Variants in PARVA observed in about 807,000 individuals in gnomAD.
PARVA encodes parvin alpha, also known as alpha-parvin.
In PARVA, 25 loss-of-function variants were observed where a neutral mutation model predicts 52.6. The ratio of observed to expected loss-of-function variants is 0.48; its 90% CI spans 0.35 to 0.66. PARVA has a LOEUF of 0.66. PARVA is among the 30% of genes least tolerant of loss of function. The pLI is 0.01. For synonymous variants in PARVA, 185 were observed against 179.1 expected, an observed-to-expected ratio of 1.03 and a Z score of -0.26; for missense variants, 373 against 450.9, an observed-to-expected ratio of 0.83 and a Z score of 1.56.
chr11:12,440,774 A>T (rs907433486), intron 1 of PARVA, among the ~76,000 whole-genome samples: 7 of 152,216 alleles, frequency 4.6e-5, no homozygotes, highest in African/African-American at 1.7e-4. Context: ...GCTCCTTGCC[A>T]TAGGGCCCCT....
intron 1 of PARVA, among the ~76,000 whole-genome samples, chr11:12,456,844 C>T (rs954555115): frequency 1.3e-5 from 2 of 152,110 alleles, no homozygotes; most frequent in African/African-American, 4.8e-5. Context: ...CTTACTCATC[C>T]CTTTTACCCC....
At chr11:12,465,748 A>G (rs1326128702) in intron 1 of PARVA, among the ~76,000 whole-genome samples, 6 of 152,218 alleles carry the variant, frequency 3.9e-5, no homozygotes, top group African/African-American at 1.2e-4. Context: ...ACTACAGTTT[A>G]TCTACTCACC....
upstream of PARVA, chr11:12,377,425 G>A: frequency 7.3e-7 from 1 of 1,374,066 alleles, no homozygotes. Flanking sequence ...GGGGCGCAAG[G>A]CGCGGCCCCG....
intron 1 of PARVA, among the ~76,000 whole-genome samples, chr11:12,385,459 T>C (rs1418845236): frequency 6.6e-6 from 1 of 152,208 alleles, no homozygotes; most frequent in East Asian, 1.9e-4. Flanking sequence ...CAGCAGATCT[T>C]GATGAAAGAT....
upstream of PARVA, chr11:12,377,521 G>C: frequency 7.0e-7 from 1 of 1,433,004 alleles, no homozygotes; most frequent in East Asian, 2.9e-5. Context: ...AGCGTGAGCT[G>C]CCTCAAATGC....
intron 5 of PARVA, among the ~76,000 whole-genome samples, chr11:12,502,613 C>T (rs1941376951): frequency 6.6e-6 from 1 of 152,024 alleles, no homozygotes; most frequent in Non-Finnish European, 1.5e-5. Flanking sequence ...TTCCTGGCCA[C>T]CTGTTGTGTT....
At chr11:12,460,044 G>C (rs149409821) in intron 1 of PARVA, among the ~76,000 whole-genome samples, 7 of 152,178 alleles carry the variant, frequency 4.6e-5, no homozygotes, top group African/African-American at 1.7e-4. Flanking sequence ...CTGGCTTTAC[G>C]TGGGAATGCA....
chr11:12,477,384 C>T (rs770402317), intron 3 of PARVA, among the ~76,000 whole-genome samples: 1 of 152,156 alleles, frequency 6.6e-6, no homozygotes, highest in Non-Finnish European at 1.5e-5. Context: ...TGTGAACCAC[C>T]ACGCCCAGCC....
Position 12,377,756 on chromosome 11 carries a change from C to G in PARVA, c.109C>G (p.Leu37Val). The G allele has an allele frequency of 6.5e-7, 1 of 1,533,822 alleles. No individual in the cohort carries two copies. Among genetic ancestry groups the G allele is most frequent in the Admixed American group, 2.1e-5 (1 of 47,446 alleles). Reference sequence around the variant, plus strand: ...CTTCTTGGGGAAACTCGGAGGGACCCTGGCCCGGAGGAAGAAAGCCAAGGA... The same window carrying G: ...CTTCTTGGGGAAACTCGGAGGGACCGTGGCCCGGAGGAAGAAAGCCAAGGA... ...DSFLGKLGGT[L>V]ARRKKAKEVS... The change falls in exon 1 of 13, where the codon CTG becomes GTG. Residue 37 changes from leucine to valine, a missense_variant. Coordinates refer to ENST00000334956, the MANE Select transcript of PARVA (RefSeq NM_018222.5).
chr11:12,412,192 C>A (rs988444460), intron 1 of PARVA, among the ~76,000 whole-genome samples: 4 of 152,206 alleles, frequency 2.6e-5, no homozygotes, highest in Admixed American at 6.5e-5. Context: ...TTCTTAAGAG[C>A]AGGAGCTGAG....
At position 12,473,781 on chromosome 11, in the gene PARVA, A is replaced by G. The variant is rs2135036090; in HGVS notation, c.173A>G (p.Asn58Ser). 2 of 1,570,208 alleles carry G rather than the reference A, an allele frequency of 1.3e-6. No individual in the cohort carries two copies. Among genetic ancestry groups the G allele is most frequent in the African/African-American group, 1.4e-5 (1 of 73,862 alleles). ...CAGGAGGAGGGAATGAACGCCATCA[A>G]CCTGCCCCTCAGCCCAATTCCCTTT... ...ELQEEGMNAI[N>S]LPLSPIPFEL... The change falls in exon 2 of 13, where the codon AAC becomes AGC. Residue 58 changes from asparagine (N) to serine (S), a missense_variant. Physicochemically the swap from Asn to Ser is conservative, Grantham distance 46. Coordinates refer to ENST00000334956, the MANE Select transcript of PARVA (RefSeq NM_018222.5).
chr11:12,517,825 G>A (rs948426000), intron 11 of PARVA, 114 bp downstream of exon 11: 11 of 712,608 alleles, frequency 1.5e-5, no homozygotes, highest in Non-Finnish European at 2.2e-5. Context: ...TCTGCTCAAC[G>A]TCTTCAGTGC....
chr11:12,437,758 GGTT>G, intron 1 of PARVA, among the ~76,000 whole-genome samples: 1 of 152,308 alleles, frequency 6.6e-6, no homozygotes, highest in East Asian at 1.9e-4. Context: ...GACAGAATCA[GGTT>G]GAGCAGCCCA....
chr11:12,481,947 A>ATCAT (rs1486014154), intron 4 of PARVA, among the ~76,000 whole-genome samples: 5 of 152,032 alleles, frequency 3.3e-5, no homozygotes, highest in Non-Finnish European at 5.9e-5. Flanking sequence ...AGGCAGGTGG[A>ATCAT]TCATCTGAGG....
chr11:12,501,090 G>A (rs533868669), intron 5 of PARVA, among the ~76,000 whole-genome samples: 3 of 145,580 alleles, frequency 2.1e-5, no homozygotes, highest in South Asian at 2.2e-4. Context: ...CCTGGGCGAC[G>A]AGCAAAAATC....
At chr11:12,433,244 C>T (rs1401614367) in intron 1 of PARVA, among the ~76,000 whole-genome samples, 1 of 152,196 alleles carries the variant, frequency 6.6e-6, no homozygotes, top group Non-Finnish European at 1.5e-5. Flanking sequence ...GGATGAAAAA[C>T]ACCATCTGAT....
intron 1 of PARVA, among the ~76,000 whole-genome samples, chr11:12,402,362 G>A (rs187218470): frequency 1.3e-4 from 20 of 152,300 alleles, no homozygotes; most frequent in Admixed American, 1.1e-3. Context: ...TATTCCTGAC[G>A]TCATCCATTG....
At chr11:12,415,003 GCGT>G (rs1343370423) in intron 1 of PARVA, among the ~76,000 whole-genome samples, 1 of 152,206 alleles carries the variant, frequency 6.6e-6, no homozygotes, top group Non-Finnish European at 1.5e-5. Flanking sequence ...GGTGGACCTA[GCGT>G]CGGCTGTCAG....
Position 12,488,143 on chromosome 11 carries a change from C to T in PARVA, c.401-8315C>T, listed in dbSNP as rs140931373. 3.8e-3 allele frequency among the ~76,000 whole-genome samples: 574 copies of T among 152,160 alleles called. 2 individuals are homozygous for T. The highest frequency in any genetic ancestry group is 0.01 in the Middle Eastern group (3 of 294). ...GACCACTAAATAAAACCTAACTGAACATATTAAATAGTGAAATATCAGAGA... is the reference window on the plus strand; with the variant it reads ...GACCACTAAATAAAACCTAACTGAATATATTAAATAGTGAAATATCAGAGA... On this transcript the variant is annotated intron_variant, in intron 4 of 12. Coordinates refer to ENST00000334956, the MANE Select transcript of PARVA (RefSeq NM_018222.5).
Sources: allele counts gnomAD v4.1 joint callset (sites outside exome capture counted in the v4.1 genomes callset), GRCh38; gene constraint gnomAD v4.1.1; transcripts MANE v1.5; gene names NCBI Gene and HGNC (gene_info 2026-07-23, HGNC 2026-07-21).